The following PCSK2 variants were observed in gnomAD, a reference collection of about 807,000 sequenced individuals.
PCSK2 encodes neuroendocrine convertase 2.
A neutral mutation model predicts 69.7 loss-of-function variants in PCSK2; 14 were observed. That is an observed-to-expected ratio of 0.20 (90% CI 0.13 to 0.31). PCSK2 has a LOEUF of 0.31. Ranked by LOEUF, PCSK2 falls within the 10% of genes least tolerant of loss-of-function variation. The probability of loss-of-function intolerance (pLI) is 1.00; values close to 1 mark genes in which losing one functional copy is unlikely to be tolerated. For missense variants in PCSK2, 544 were observed against 842.5 expected (o/e 0.65, Z 4.39); for synonymous variants, 307 against 320.7 (o/e 0.96, Z 0.46).
chr20:17,311,497 C>G lies in PCSK2; in HGVS notation c.283-46830C>G, dbSNP rs1441451293. On this transcript the variant is annotated intron_variant, in intron 2 of 11. Transcript: ENST00000262545. ...TAAGCTGTTGGTCTTCCAAGGTGAC[C>G]CAGCAAGCAGATGACTGAATCCAAA... Among the ~76,000 whole-genome samples the G allele has an allele frequency of 3.3e-5, 5 of 151,892 alleles. No individual in the cohort carries two copies. The South Asian group carries it at 8.3e-4, about 25-fold the overall frequency.
chr20:17,335,114 T>C (rs566035518), intron 2 of PCSK2, among the ~76,000 whole-genome samples: 1 of 152,318 alleles, frequency 6.6e-6, no homozygotes, highest in South Asian at 2.1e-4. Context: ...GCTCACTATT[T>C]TGTGGTTCAG....
At chr20:17,244,920 C>T (rs6111470) in intron 1 of PCSK2, among the ~76,000 whole-genome samples, 2 of 152,182 alleles carry the variant, frequency 1.3e-5, no homozygotes, top group Admixed American at 1.3e-4. Context: ...CCTGCCCAGC[C>T]TCACATTTCT....
At chr20:17,231,123 A>T (rs1027188059) in intron 1 of PCSK2, among the ~76,000 whole-genome samples, 4 of 152,246 alleles carry the variant, frequency 2.6e-5, no homozygotes. Flanking sequence ...TAGGGTTTAA[A>T]AAGAACCTGA....
intron 6 of PCSK2, 62 bp from the exon 7 acceptor site, chr20:17,429,373 A>G (rs147717936): frequency 0.012 from 14,360 of 1,211,164 alleles, 116 homozygotes; most frequent in South Asian, 0.018. Context: ...TTTTGAGCCC[A>G]TGAGAGATCT....
chr20:17,306,762 A>C (rs1185236551), intron 2 of PCSK2, among the ~76,000 whole-genome samples: 1 of 152,224 alleles, frequency 6.6e-6, no homozygotes, highest in Non-Finnish European at 1.5e-5. Context: ...AGTTCAGAGC[A>C]ATACATGATG....
intron 2 of PCSK2, chr20:17,263,144 G>A: frequency 1.0e-6 from 1 of 985,142 alleles, no homozygotes; most frequent in Non-Finnish European, 1.2e-6. Context: ...AAAGAAAAAG[G>A]TAGAAACCCA....
intron 11 of PCSK2, among the ~76,000 whole-genome samples, chr20:17,466,064 T>A (rs1298616351): frequency 6.6e-6 from 1 of 152,152 alleles, no homozygotes; most frequent in African/African-American, 2.4e-5. Context: ...ACCCCTGCTT[T>A]TGGTTGTGAG....
chr20:17,305,407 G>A (rs941490442), intron 2 of PCSK2, among the ~76,000 whole-genome samples: 2 of 152,138 alleles, frequency 1.3e-5, no homozygotes, highest in African/African-American at 2.4e-5. Context: ...TAAATCCAAA[G>A]AGGATAGTAA....
chr20:17,302,632 C>G (rs967202741), intron 2 of PCSK2, among the ~76,000 whole-genome samples: 1 of 152,148 alleles, frequency 6.6e-6, no homozygotes, highest in African/African-American at 2.4e-5. Flanking sequence ...AACAGTGGAG[C>G]TATTCTCTTT....
intron 2 of PCSK2, among the ~76,000 whole-genome samples, chr20:17,272,407 G>C (rs1420868996): frequency 6.6e-6 from 1 of 152,022 alleles, no homozygotes; most frequent in African/African-American, 2.4e-5. Flanking sequence ...AAAATTTCTA[G>C]GTTCTTCTAA....
At chr20:17,397,006 C>T (rs1414206719) in intron 5 of PCSK2, among the ~76,000 whole-genome samples, 1 of 152,158 alleles carries the variant, frequency 6.6e-6, no homozygotes, top group Non-Finnish European at 1.5e-5. Flanking sequence ...TCAAGCGATA[C>T]TCAGGTCAAA....
At chr20:17,315,275 G>A (rs560602360) in intron 2 of PCSK2, among the ~76,000 whole-genome samples, 1 of 152,142 alleles carries the variant, frequency 6.6e-6, no homozygotes, top group South Asian at 2.1e-4. Flanking sequence ...TGGGGATGTG[G>A]TGGGAGGGGT....
intron 2 of PCSK2, among the ~76,000 whole-genome samples, chr20:17,300,912 T>A (rs575367102): frequency 1.3e-5 from 2 of 152,298 alleles, no homozygotes; most frequent in South Asian, 4.1e-4. Context: ...AATAAATTTG[T>A]ATTTAGGAGA....
intron 2 of PCSK2, among the ~76,000 whole-genome samples, chr20:17,271,589 G>A (rs952160637): frequency 6.6e-6 from 1 of 151,964 alleles, no homozygotes; most frequent in African/African-American, 2.4e-5. Flanking sequence ...CTTCTCCTCT[G>A]TGTGAGGAAC....
At chr20:17,380,370 G>A (rs1352814356) in intron 5 of PCSK2, among the ~76,000 whole-genome samples, 5 of 152,118 alleles carry the variant, frequency 3.3e-5, no homozygotes, top group African/African-American at 1.2e-4. Context: ...GCCACATGGG[G>A]CCCTTTCATA....
chr20:17,455,522 G>C (rs932412506), intron 9 of PCSK2, among the ~76,000 whole-genome samples: 15 of 152,344 alleles, frequency 9.8e-5, no homozygotes, highest in African/African-American at 3.6e-4. Context: ...TAGATGTAGA[G>C]AAACATGTTT....
intron 11 of PCSK2, among the ~76,000 whole-genome samples, chr20:17,468,146 A>T (rs2033134719): frequency 6.7e-6 from 1 of 148,920 alleles, no homozygotes; most frequent in Non-Finnish European, 1.5e-5. Context: ...ATCCTGCCAT[A>T]TACGGGCAGC....
At chr20:17,258,507 C>T (rs939571137) in intron 1 of PCSK2, among the ~76,000 whole-genome samples, 2 of 151,956 alleles carry the variant, frequency 1.3e-5, no homozygotes, top group African/African-American at 2.4e-5. Context: ...TCTTAATATG[C>T]ATCAATAATG....
chr20:17,366,787 C>T (rs1156434492), intron 4 of PCSK2, among the ~76,000 whole-genome samples: 2 of 152,162 alleles, frequency 1.3e-5, no homozygotes, highest in Non-Finnish European at 2.9e-5. Flanking sequence ...TCCTCTTAAC[C>T]TAATTTAAGA....
Sources: gnomAD v4.1 joint callset for allele counts (sites outside exome capture counted in the v4.1 genomes callset) on GRCh38, gnomAD v4.1.1 for gene constraint, MANE v1.5 for transcripts, NCBI Gene and HGNC (gene_info 2026-07-23, HGNC 2026-07-21) for gene names.